Variants in GIPC2 observed in about 807,000 individuals in gnomAD.
The protein encoded by GIPC2 is GIPC PDZ domain containing family member 2, also known as PDZ domain-containing protein GIPC2.
Under a neutral mutation model 30.6 loss-of-function variants are expected in GIPC2, and 30 were observed. The ratio of observed to expected loss-of-function variants is 0.98; its 90% CI spans 0.73 to 1.33. GIPC2 has a LOEUF of 1.33. Among genes scored for constraint, GIPC2 ranks in the 40% most tolerant of loss-of-function variants. The pLI, the probability that GIPC2 is intolerant of heterozygous loss-of-function variation, is 0.00. For missense variants in GIPC2, 414 were observed against 390.3 expected (o/e 1.06, Z -0.51); for synonymous variants, 167 against 150.0 (o/e 1.11, Z -0.83).
At chr1:78,090,520 T>G (rs1203911239) in intron 2 of GIPC2, among the ~76,000 whole-genome samples, 1 of 152,132 alleles carries the variant, frequency 6.6e-6, no homozygotes, top group African/African-American at 2.4e-5. Context: ...AAATTTAAAA[T>G]AAAAATAAGG....
chr1:78,103,481 C>T (rs1662287721), intron 3 of GIPC2, among the ~76,000 whole-genome samples: 1 of 152,190 alleles, frequency 6.6e-6, no homozygotes, highest in Non-Finnish European at 1.5e-5. Flanking sequence ...GTGACTAGGA[C>T]TACTGCTATT....
At chr1:78,087,023 T>C (rs575683488) in intron 2 of GIPC2, among the ~76,000 whole-genome samples, 1 of 152,320 alleles carries the variant, frequency 6.6e-6, no homozygotes, top group Admixed American at 6.5e-5. Flanking sequence ...GTGATTGCTT[T>C]ATAGTAACAC....
At chr1:78,076,812 A>G (rs963962847) in intron 1 of GIPC2, among the ~76,000 whole-genome samples, 2 of 152,176 alleles carry the variant, frequency 1.3e-5, no homozygotes, top group South Asian at 4.1e-4. Context: ...TCTGTCACCC[A>G]GGCTGAGGTG....
At chr1:78,046,421 C>A in intron 1 of GIPC2, 87 bp downstream of exon 1, 1 of 1,260,726 alleles carries the variant, frequency 7.9e-7, no homozygotes, top group Non-Finnish European at 1.1e-6. Context: ...GAGGGTTGAG[C>A]GGCGTTTCCC....
At chr1:78,053,213 AT>A (rs1661225879) in intron 1 of GIPC2, among the ~76,000 whole-genome samples, 1 of 152,218 alleles carries the variant, frequency 6.6e-6, no homozygotes, top group African/African-American at 2.4e-5. Context: ...AGGCCTTGGC[AT>A]TCTGTTGCAC....
In GIPC2 at chr1:78,046,184, G is replaced by T; in HGVS notation, c.90G>T (p.Gly30=). The change falls in exon 1 of 6, where the codon GGG becomes GGT. Residue 30 remains glycine (G), a synonymous_variant. Coordinates refer to ENST00000370759, the MANE Select transcript of GIPC2 (RefSeq NM_017655.6). ...VEGEPTGAGG[G]SLSASRAPAR... ...GCGAGCCGACGGGCGCGGGCGGCGGGAGCCTCTCAGCGTCCCGGGCTCCCG... is the reference window on the plus strand; with the variant it reads ...GCGAGCCGACGGGCGCGGGCGGCGGTAGCCTCTCAGCGTCCCGGGCTCCCG... 6.4e-7 allele frequency: 1 copy of T among 1,574,458 alleles called. No individual in the cohort carries two copies. The highest frequency in any genetic ancestry group is 8.6e-7 in the Non-Finnish European group (1 of 1,162,748).
chr1:78,085,279 C>G (rs983593370), intron 2 of GIPC2, among the ~76,000 whole-genome samples: 2 of 152,172 alleles, frequency 1.3e-5, no homozygotes, highest in Non-Finnish European at 2.9e-5. Context: ...GGGGATGAAG[C>G]CTACTTGCTC....
chr1:78,117,428 A>C (rs1662589520), intron 3 of GIPC2, among the ~76,000 whole-genome samples: 1 of 152,222 alleles, frequency 6.6e-6, no homozygotes, highest in African/African-American at 2.4e-5. Flanking sequence ...TGGGGCAGGC[A>C]GGAGAGAATG....
intron 1 of GIPC2, among the ~76,000 whole-genome samples, chr1:78,063,230 T>A (rs1026566448): frequency 2.0e-5 from 3 of 152,204 alleles, no homozygotes; most frequent in African/African-American, 7.2e-5. Context: ...CTGGGTGCAG[T>A]GGCTCATGCC....
intron 3 of GIPC2, among the ~76,000 whole-genome samples, chr1:78,114,896 G>T (rs1662539822): frequency 1.3e-5 from 2 of 152,200 alleles, no homozygotes; most frequent in South Asian, 4.1e-4. Flanking sequence ...CCTGTGTGGT[G>T]GGGATAGGGA....
intron 3 of GIPC2, among the ~76,000 whole-genome samples, chr1:78,110,819 G>A (rs534941120): frequency 1.5e-4 from 23 of 152,212 alleles, no homozygotes; most frequent in Non-Finnish European, 3.2e-4. Flanking sequence ...TCTCAGGCAT[G>A]TGAGAATGAA....
At chr1:78,060,696 G>C (rs1177207450) in intron 1 of GIPC2, among the ~76,000 whole-genome samples, 1 of 152,176 alleles carries the variant, frequency 6.6e-6, no homozygotes, top group Non-Finnish European at 1.5e-5. Flanking sequence ...AGTTGAAAAA[G>C]TAAGGTATAT....
chr1:78,063,146 C>T (rs980619800), intron 1 of GIPC2, among the ~76,000 whole-genome samples: 4 of 152,166 alleles, frequency 2.6e-5, no homozygotes, highest in Non-Finnish European at 4.4e-5. Flanking sequence ...GATTCCTTAA[C>T]TCTAATATTA....
chr1:78,046,475 C>G, intron 1 of GIPC2, 141 bp downstream of exon 1: 1 of 758,704 alleles, frequency 1.3e-6, no homozygotes, highest in Admixed American at 2.6e-5. Flanking sequence ...CGGGGGCGTC[C>G]CGGGGGAAAG....
chr1:78,136,337 C>T lies in GIPC2; in HGVS notation c.*594C>T, dbSNP rs1663003334. The T allele has an allele frequency of 6.6e-6, 1 of 151,818 alleles. No homozygotes were observed. The highest frequency in any genetic ancestry group is 1.5e-5 in the Non-Finnish European group (1 of 67,964). The allele number at this position is 151,818 out of a possible 1,614,324, so 9.4% of individuals were successfully genotyped here. A position where few individuals can be genotyped will look rare whatever the true frequency, so the allele number is the denominator to read the frequency against. The stretch of plus-strand genomic sequence containing the variant: ...TGTAAAACAAAGATTGATTGATTTT[C>T]TTGTATGCTTCTTTATACATGCTCT... On this transcript the variant is annotated 3_prime_UTR_variant, in exon 6 of 6. Coordinates refer to ENST00000370759, the MANE Select transcript of GIPC2 (RefSeq NM_017655.6).
chr1:78,059,440 G>A (rs1661352991), intron 1 of GIPC2, among the ~76,000 whole-genome samples: 1 of 152,230 alleles, frequency 6.6e-6, no homozygotes, highest in Non-Finnish European at 1.5e-5. Flanking sequence ...AGACCCTGGT[G>A]TATCTAAAGT....
intron 1 of GIPC2, among the ~76,000 whole-genome samples, chr1:78,048,657 A>G (rs1243423163): frequency 6.6e-6 from 1 of 151,684 alleles, no homozygotes; most frequent in Non-Finnish European, 1.5e-5. Flanking sequence ...TGAAACTCCT[A>G]CTCTCAAGTG....
chr1:78,119,540 TTGAG>T (rs1557549335), intron 4 of GIPC2, 41 bp downstream of exon 4: 1 of 1,214,154 alleles, frequency 8.2e-7, no homozygotes, highest in African/African-American at 1.5e-5. Context: ...CTTGGAAATG[TTGAG>T]TTAGATAAAA....
At chr1:78,075,719 C>CTA (rs989631557) in intron 1 of GIPC2, among the ~76,000 whole-genome samples, 4 of 152,216 alleles carry the variant, frequency 2.6e-5, no homozygotes, top group Non-Finnish European at 5.9e-5. Context: ...CATCTTCCTC[C>CTA]TATATCTTAT....
Sources: allele counts gnomAD v4.1 joint callset (sites outside exome capture counted in the v4.1 genomes callset), GRCh38; gene constraint gnomAD v4.1.1; transcripts MANE v1.5; gene names NCBI Gene and HGNC (gene_info 2026-07-23, HGNC 2026-07-21).